The following MAML2 variants were observed in gnomAD, a reference collection of about 807,000 sequenced individuals.
The protein encoded by MAML2 is mastermind-like protein 2.
MAML2 carries 22 observed loss-of-function variants against 96.1 expected under a neutral mutation model. That is an observed-to-expected ratio of 0.23 (90% CI 0.16 to 0.33). The LOEUF (loss-of-function observed/expected upper bound fraction) is 0.33, where lower values mean the gene tolerates loss of function less well. MAML2 is among the 10% of genes least tolerant of loss of function. The pLI, the probability that MAML2 is intolerant of heterozygous loss-of-function variation, is 1.00. For missense variants in MAML2, 1,367 were observed against 1,392.4 expected, an observed-to-expected ratio of 0.98 and a Z score of 0.29; for synonymous variants, 561 against 521.3, an observed-to-expected ratio of 1.08 and a Z score of -1.04.
At chr11:96,012,908 G>A (rs1565189365) in intron 2 of MAML2, among the ~76,000 whole-genome samples, 1 of 152,168 alleles carries the variant, frequency 6.6e-6, no homozygotes, top group East Asian at 1.9e-4. Flanking sequence ...AACTAATGCT[G>A]CCACCATTTT....
At position 95,996,252 on chromosome 11, in the gene MAML2, T is replaced by C. The variant is rs78431876; in HGVS notation, c.2140-4529A>G. 1.3e-4 allele frequency among the ~76,000 whole-genome samples: 20 copies of C among 152,270 alleles called. No homozygotes were observed. The East Asian group carries it at 3.9e-3, about 29-fold the overall frequency. On this transcript the variant is annotated intron_variant, in intron 2 of 4. Transcript: ENST00000524717. Reference sequence around the variant, plus strand: ...GGAAAATGAAGAGAAAGAAAAGAGGTAGACAGAGTGCTCAATGTTGGCAGA... The same window carrying C: ...GGAAAATGAAGAGAAAGAAAAGAGGCAGACAGAGTGCTCAATGTTGGCAGA...
intron 1 of MAML2, among the ~76,000 whole-genome samples, chr11:96,195,273 T>G (rs1200562817): frequency 6.6e-6 from 1 of 152,202 alleles, no homozygotes; most frequent in East Asian, 1.9e-4. Flanking sequence ...CACAGTGCTC[T>G]CCTAGATTTT....
At chr11:96,202,629 A>ATT (rs962786146) in intron 1 of MAML2, among the ~76,000 whole-genome samples, 77 of 144,690 alleles carry the variant, frequency 5.3e-4, no homozygotes, top group African/African-American at 1.8e-3. Context: ...TCCAGATGAA[A>ATT]TTTTTTTTTT....
At chr11:96,198,746 T>C (rs1861767903) in intron 1 of MAML2, among the ~76,000 whole-genome samples, 1 of 152,160 alleles carries the variant, frequency 6.6e-6, no homozygotes, top group Non-Finnish European at 1.5e-5. Flanking sequence ...CCTTCTTCCC[T>C]TCTTCATGAG....
chr11:96,009,714 G>T (rs1030033320), intron 2 of MAML2, among the ~76,000 whole-genome samples: 2 of 152,156 alleles, frequency 1.3e-5, no homozygotes, highest in African/African-American at 4.8e-5. Flanking sequence ...GTAAACATTT[G>T]TTACAGTGAA....
At chr11:96,279,391 G>A (rs1448265451) in intron 1 of MAML2, among the ~76,000 whole-genome samples, 2 of 152,216 alleles carry the variant, frequency 1.3e-5, no homozygotes, top group Admixed American at 1.3e-4. Context: ...AGTATGCAGT[G>A]CATAAACTCA....
intron 1 of MAML2, among the ~76,000 whole-genome samples, chr11:96,144,758 G>C (rs891803464): frequency 6.6e-6 from 1 of 152,082 alleles, no homozygotes; most frequent in Non-Finnish European, 1.5e-5. Context: ...GTTTCATCTC[G>C]GGAAGTTTTA....
At chr11:96,280,289 A>C (rs1812328173) in intron 1 of MAML2, among the ~76,000 whole-genome samples, 1 of 152,188 alleles carries the variant, frequency 6.6e-6, no homozygotes, top group Admixed American at 6.5e-5. Flanking sequence ...TAATAGTCTA[A>C]AATTATTTAC....
At chr11:96,224,306 T>C (rs1008828560) in intron 1 of MAML2, among the ~76,000 whole-genome samples, 2 of 152,196 alleles carry the variant, frequency 1.3e-5, no homozygotes, top group African/African-American at 2.4e-5. Context: ...TTTCAAACAC[T>C]CTGATAACTC....
intron 1 of MAML2, among the ~76,000 whole-genome samples, chr11:96,094,972 G>A (rs1413735942): frequency 6.6e-6 from 1 of 152,070 alleles, no homozygotes; most frequent in African/African-American, 2.4e-5. Context: ...CTTGAATATG[G>A]TTACTTTATT....
intron 1 of MAML2, among the ~76,000 whole-genome samples, chr11:96,276,899 G>A (rs1325915010): frequency 3.4e-5 from 5 of 146,702 alleles, no homozygotes; most frequent in Non-Finnish European, 6.0e-5. Context: ...AATCTGGATA[G>A]TACTATGATA....
intron 1 of MAML2, among the ~76,000 whole-genome samples, chr11:96,257,301 C>T (rs915789063): frequency 3.9e-5 from 6 of 152,182 alleles, no homozygotes; most frequent in African/African-American, 1.4e-4. Context: ...CTCTTGTCAC[C>T]CTGCAATTGA....
chr11:96,044,781 A>G (rs1326677247), intron 2 of MAML2, among the ~76,000 whole-genome samples: 1 of 152,208 alleles, frequency 6.6e-6, no homozygotes, highest in East Asian at 1.9e-4. Flanking sequence ...TGTCTCACCT[A>G]TTTGGAAATG....
intron 2 of MAML2, among the ~76,000 whole-genome samples, chr11:96,012,738 T>C (rs896973303): frequency 9.8e-5 from 15 of 152,352 alleles, no homozygotes; most frequent in African/African-American, 3.6e-4. Context: ...TAAGTTGCTA[T>C]AATTTAGTTG....
chr11:96,094,349 A>C (rs1392139951), intron 1 of MAML2, among the ~76,000 whole-genome samples: 1 of 152,202 alleles, frequency 6.6e-6, no homozygotes. Flanking sequence ...TCAGCAACTT[A>C]CCTGAGCCTC....
intron 1 of MAML2, among the ~76,000 whole-genome samples, chr11:96,161,933 T>C (rs911374957): frequency 3.5e-4 from 53 of 152,304 alleles, no homozygotes; most frequent in Middle Eastern, 3.4e-3. Flanking sequence ...TGCCAGTACC[T>C]GTGGGCTGAA....
chr11:96,271,049 C>A (rs989433250), intron 1 of MAML2, among the ~76,000 whole-genome samples: 1 of 152,218 alleles, frequency 6.6e-6, no homozygotes, highest in African/African-American at 2.4e-5. Flanking sequence ...AATTCTTTAG[C>A]TTCTCGACTC....
chr11:96,220,128 G>A lies in MAML2; in HGVS notation c.513+121255C>T, dbSNP rs144008739. ...GTGTCCATGCGTTATCAGGCCCTAC[G>A]TGAATTGATCAAAGGATCTTTGCCT... is the stretch of plus-strand genomic sequence containing the variant. On this transcript the variant is annotated intron_variant, in intron 1 of 4. Transcript: ENST00000524717. Among the ~76,000 whole-genome samples the A allele has an allele frequency of 3.3e-3, 499 of 152,146 alleles. 1 individual carries two copies. The highest frequency in any genetic ancestry group is 6.8e-3 in the Middle Eastern group (2 of 294).
In MAML2 at chr11:96,341,502, G is replaced by A. The variant is rs1319424737; in HGVS notation, c.394C>T (p.His132Tyr). The A allele has an allele frequency of 6.4e-7, 1 of 1,551,618 alleles. No homozygotes were observed. The highest frequency in any genetic ancestry group is 2.4e-5 in the East Asian group (1 of 40,906). Residue 132 changes from histidine (H) to tyrosine (Y), a missense_variant, in exon 1 of 5, where the codon CAT (histidine) becomes TAT (tyrosine). Physicochemically the swap from His to Tyr is moderately conservative, Grantham distance 83. Coordinates refer to ENST00000524717, the MANE Select transcript of MAML2 (RefSeq NM_032427.4). ...AAPPPPPDYH[H>Y]HHQQHLLNSS... ...TTCAGCAGGTGCTGCTGGTGGTGATGGTGATAGTCTGGTGGGGGCGGTGGG... is the reference window on the plus strand; with the variant it reads ...TTCAGCAGGTGCTGCTGGTGGTGATAGTGATAGTCTGGTGGGGGCGGTGGG...
Sources: gnomAD v4.1 joint callset for allele counts (sites outside exome capture counted in the v4.1 genomes callset) on GRCh38, gnomAD v4.1.1 for gene constraint, MANE v1.5 for transcripts, NCBI Gene and HGNC (gene_info 2026-07-23, HGNC 2026-07-21) for gene names.